The following PRIM2 variants were observed in gnomAD, a reference collection of about 807,000 sequenced individuals.
The protein encoded by PRIM2 is DNA primase subunit 2.
PRIM2 carries 39 observed loss-of-function variants against 67.3 expected under a neutral mutation model. The observed-to-expected ratio is 0.58, with a 90% CI of 0.45 to 0.76. The LOEUF (loss-of-function observed/expected upper bound fraction) is 0.76. Among genes scored for constraint, PRIM2 ranks in the 30% least tolerant of loss-of-function variants. The pLI is 0.00. For missense variants in PRIM2, 398 were observed against 598.7 expected (o/e 0.66, Z 3.50); for synonymous variants, 143 against 198.7 (o/e 0.72, Z 2.36).
intron 12 of PRIM2, among the ~76,000 whole-genome samples, chr6:57,624,556 T>TG (rs1776913148): frequency 6.6e-6 from 1 of 152,194 alleles, no homozygotes; most frequent in Non-Finnish European, 1.5e-5. Context: ...CAGAAGAGAA[T>TG]GCTTCATATA....
chr6:57,275,350 G>A, the PRIM2 span, among the ~76,000 whole-genome samples: 176 of 152,234 alleles, frequency 1.2e-3, no homozygotes, highest in South Asian at 0.015. Flanking sequence ...TTAGCGAGGC[G>A]TGGTGGAGCA....
At chr6:57,363,697 A>G (rs1416894702) in intron 5 of PRIM2, among the ~76,000 whole-genome samples, 1 of 152,016 alleles carries the variant, frequency 6.6e-6, no homozygotes, top group African/African-American at 2.4e-5. Flanking sequence ...TATTTAATTT[A>G]CTTTTGTTTG....
the PRIM2 span, among the ~76,000 whole-genome samples, chr6:57,241,992 A>C: frequency 1.3e-5 from 2 of 152,070 alleles, no homozygotes; most frequent in African/African-American, 4.8e-5. Context: ...AATTTTTTAA[A>C]CTATGAATAT....
intron 1 of PRIM2, 90 bp from the exon 2 acceptor site, chr6:57,318,347 G>T: frequency 7.7e-7 from 1 of 1,297,898 alleles, no homozygotes; most frequent in South Asian, 1.5e-5. Flanking sequence ...TTTTTTCTGT[G>T]TTTGTGGAAT....
intron 7 of PRIM2, among the ~76,000 whole-genome samples, chr6:57,407,837 T>TA (rs1198025627): frequency 6.6e-6 from 1 of 152,214 alleles, no homozygotes; most frequent in East Asian, 1.9e-4. Flanking sequence ...AATTTTTTAA[T>TA]AAGCACATAC....
chr6:57,341,467 T>C (rs1768488197), intron 5 of PRIM2, among the ~76,000 whole-genome samples: 1 of 152,142 alleles, frequency 6.6e-6, no homozygotes, highest in Non-Finnish European at 1.5e-5. Context: ...GGCAGAGACC[T>C]TTTCCCATCT....
intron 13 of PRIM2, among the ~76,000 whole-genome samples, chr6:57,637,870 C>A (rs1777151982): frequency 3.3e-5 from 5 of 152,132 alleles, no homozygotes; most frequent in Non-Finnish European, 7.3e-5. Flanking sequence ...GCAAGACAGG[C>A]CAGCATTCAA....
At chr6:57,477,745 T>C (rs1224850172) in intron 7 of PRIM2, among the ~76,000 whole-genome samples, 5 of 152,164 alleles carry the variant, frequency 3.3e-5, no homozygotes, top group African/African-American at 1.2e-4. Flanking sequence ...AGTGAGAGTA[T>C]TGGAGAGGCT....
At chr6:57,405,300 A>G (rs1451007888) in intron 7 of PRIM2, among the ~76,000 whole-genome samples, 1 of 152,252 alleles carries the variant, frequency 6.6e-6, no homozygotes, top group Admixed American at 6.5e-5. Context: ...AGCTGGGCAT[A>G]TGTAAATGTT....
the PRIM2 span, among the ~76,000 whole-genome samples, chr6:57,237,758 C>G: frequency 6.6e-6 from 1 of 152,132 alleles, no homozygotes; most frequent in African/African-American, 2.4e-5. Flanking sequence ...GGGCTCTGTT[C>G]TGTTCCATTG....
At chr6:57,392,828 T>G (rs1770398776) in intron 7 of PRIM2, among the ~76,000 whole-genome samples, 1 of 152,094 alleles carries the variant, frequency 6.6e-6, no homozygotes, top group African/African-American at 2.4e-5. Context: ...TTTTTGTCCA[T>G]TGTATCATTC....
chr6:57,476,533 C>T (rs1233871011), intron 7 of PRIM2, among the ~76,000 whole-genome samples: 416 of 152,224 alleles, frequency 2.7e-3, no homozygotes, highest in Non-Finnish European at 4.3e-3. Flanking sequence ...CCATGCCATT[C>T]TTTCCTATTT....
At chr6:57,330,859 G>A (rs1768033326) in intron 5 of PRIM2, among the ~76,000 whole-genome samples, 1 of 152,040 alleles carries the variant, frequency 6.6e-6, no homozygotes, top group Admixed American at 6.6e-5. Flanking sequence ...CACCAATTGA[G>A]ATGATCATGT....
chr6:57,416,514 A>T (rs1771267275), intron 7 of PRIM2, among the ~76,000 whole-genome samples: 1 of 152,212 alleles, frequency 6.6e-6, no homozygotes, highest in African/African-American at 2.4e-5. Context: ...ATTAGCCCCT[A>T]ACAAGGGAAT....
chr6:57,293,738 A>C, the PRIM2 span, among the ~76,000 whole-genome samples: 1 of 152,126 alleles, frequency 6.6e-6, no homozygotes, highest in Non-Finnish European at 1.5e-5. Context: ...TCAAAAGGAC[A>C]GAAAACCTAA....
intron 7 of PRIM2, among the ~76,000 whole-genome samples, chr6:57,395,436 A>G (rs919708101): frequency 3.9e-5 from 6 of 152,124 alleles, no homozygotes; most frequent in African/African-American, 1.4e-4. Flanking sequence ...TAGGTTTTCT[A>G]GTTTATGTGC....
the PRIM2 span, among the ~76,000 whole-genome samples, chr6:57,227,373 G>C: frequency 5.9e-5 from 9 of 152,242 alleles, no homozygotes; most frequent in East Asian, 9.6e-4. Flanking sequence ...GCTGGGCACA[G>C]TGGCTCACGC....
the PRIM2 span, among the ~76,000 whole-genome samples, chr6:57,289,140 G>C: frequency 6.6e-6 from 1 of 152,178 alleles, no homozygotes; most frequent in Admixed American, 6.5e-5. Context: ...ACCACAGCAC[G>C]AGAACTTTGT....
intron 10 of PRIM2, among the ~76,000 whole-genome samples, chr6:57,559,322 GTCA>G (rs1775582060): frequency 6.6e-6 from 1 of 152,110 alleles, no homozygotes; most frequent in South Asian, 2.1e-4. Flanking sequence ...TCAGCACTGT[GTCA>G]TCATACAAGC....
Sources: allele counts gnomAD v4.1 joint callset (sites outside exome capture counted in the v4.1 genomes callset), GRCh38; gene constraint gnomAD v4.1.1; transcripts MANE v1.5; gene names NCBI Gene and HGNC (gene_info 2026-07-23, HGNC 2026-07-21).